The following PDGFD variants were observed in gnomAD, a reference collection of about 807,000 sequenced individuals.
PDGFD encodes the protein platelet derived growth factor D, also known as platelet-derived growth factor D.
PDGFD carries 30 observed loss-of-function variants against 44.7 expected under a neutral mutation model. The ratio of observed to expected loss-of-function variants is 0.67; its 90% confidence interval spans 0.50 to 0.91. PDGFD has a LOEUF of 0.91. Among genes scored for constraint, PDGFD ranks in the 40% least tolerant of loss-of-function variants. PDGFD has a pLI of 0.00. For synonymous variants in PDGFD, 173 were observed against 168.4 expected (o/e 1.03, Z -0.21); for missense variants, 445 against 457.8 (o/e 0.97, Z 0.25).
intron 1 of PDGFD, among the ~76,000 whole-genome samples, chr11:104,088,795 T>C (rs935136456): frequency 2.0e-5 from 3 of 152,274 alleles, no homozygotes; most frequent in Non-Finnish European, 4.4e-5. Flanking sequence ...AGCCAGATTA[T>C]GTTCTCAGCT....
At chr11:104,034,184 G>A (rs1376643860) in intron 1 of PDGFD, among the ~76,000 whole-genome samples, 3 of 152,012 alleles carry the variant, frequency 2.0e-5, no homozygotes, top group African/African-American at 4.8e-5. Flanking sequence ...AATTTCTCCT[G>A]AATACCACTA....
intron 3 of PDGFD, among the ~76,000 whole-genome samples, chr11:103,970,398 A>T (rs182879341): frequency 6.6e-6 from 1 of 152,220 alleles, no homozygotes. Context: ...AAATATAGCA[A>T]GTGATAAAAA....
At chr11:104,045,902 G>T (rs1459971488) in intron 1 of PDGFD, among the ~76,000 whole-genome samples, 1 of 146,792 alleles carries the variant, frequency 6.8e-6, no homozygotes, top group Non-Finnish European at 1.5e-5. Context: ...TTTGCTGAGT[G>T]ACTGGTTGAG....
chr11:103,929,733 T>C (rs778505296), intron 5 of PDGFD, among the ~76,000 whole-genome samples: 1 of 152,184 alleles, frequency 6.6e-6, no homozygotes, highest in Non-Finnish European at 1.5e-5. Flanking sequence ...TGGATGCAAA[T>C]AACTTCAAAG....
intron 1 of PDGFD, among the ~76,000 whole-genome samples, chr11:104,148,249 T>C (rs1378971209): frequency 6.6e-6 from 1 of 152,172 alleles, no homozygotes; most frequent in Non-Finnish European, 1.5e-5. Flanking sequence ...CCTTAAAAAG[T>C]GACTCAGTCG....
chr11:103,992,692 T>C (rs1330914979), intron 3 of PDGFD, among the ~76,000 whole-genome samples: 1 of 152,206 alleles, frequency 6.6e-6, no homozygotes, highest in Non-Finnish European at 1.5e-5. Flanking sequence ...AAAACTGTGA[T>C]ATAAGCATCA....
chr11:103,935,072 T>C (rs997553320), intron 5 of PDGFD, among the ~76,000 whole-genome samples: 2 of 152,186 alleles, frequency 1.3e-5, no homozygotes, highest in African/African-American at 2.4e-5. Context: ...ACAAGAGTAA[T>C]TGCAGTGGAA....
At chr11:103,950,107 T>C (rs1406736966) in intron 3 of PDGFD, among the ~76,000 whole-genome samples, 1 of 152,088 alleles carries the variant, frequency 6.6e-6, no homozygotes, top group Non-Finnish European at 1.5e-5. Context: ...CCTTGAGATA[T>C]AGATTTGGGA....
chr11:104,085,329 T>C (rs1861115231), intron 1 of PDGFD, among the ~76,000 whole-genome samples: 1 of 152,206 alleles, frequency 6.6e-6, no homozygotes, highest in African/African-American at 2.4e-5. Flanking sequence ...ATAAGTAGGC[T>C]GCTTTTTATC....
At chr11:103,925,790 G>A (rs978939306) in intron 6 of PDGFD, among the ~76,000 whole-genome samples, 5 of 149,028 alleles carry the variant, frequency 3.4e-5, no homozygotes, top group Non-Finnish European at 5.9e-5. Context: ...GTGCAATGGC[G>A]CGATCTCAGC....
Position 103,979,308 on chromosome 11 carries a change from G to C in PDGFD, c.510+16757C>G, listed in dbSNP as rs1859230324. Among the ~76,000 whole-genome samples the C allele has an allele frequency of 2.6e-5, 4 of 152,092 alleles. No individual in the cohort carries two copies. In the South Asian group the frequency reaches 8.3e-4, roughly 32 times the overall value. ...TAACTCACTTTGTTCCCTCTACTTA[G>C]ATTAATGATTCCCCACTCCTTCCTT... On this transcript the variant is annotated intron_variant, in intron 3 of 6. Coordinates refer to ENST00000393158, the MANE Select transcript of PDGFD (RefSeq NM_025208.5).
intron 4 of PDGFD, 98 bp downstream of exon 4, chr11:103,947,564 C>A (rs1591089109): frequency 1.2e-6 from 1 of 868,386 alleles, no homozygotes; most frequent in Non-Finnish European, 2.0e-6. Flanking sequence ...AGCTTTTGAT[C>A]AAGCCACAGG....
chr11:104,125,773 TCCTATAATTTTATTA>T (rs1472668803), intron 1 of PDGFD, among the ~76,000 whole-genome samples: 1 of 152,096 alleles, frequency 6.6e-6, no homozygotes, highest in Non-Finnish European at 1.5e-5. Context: ...ATATCAAACT[TCCTATAATTTTATTA>T]GCAAATGCAC....
At position 103,916,260 on chromosome 11, in the gene PDGFD, G is replaced by A. The variant is rs535965044; in HGVS notation, c.988-6441C>T. 1.6e-4 allele frequency among the ~76,000 whole-genome samples: 24 copies of A among 151,624 alleles called. No homozygotes were observed. In the South Asian group the frequency reaches 2.9e-3, roughly 18 times the overall value. ...AAATTTACAAGAAAAAAACAACCCCGTCAAAATATGGGCAAAGGATATGAG... is the reference window on the plus strand; with the variant it reads ...AAATTTACAAGAAAAAAACAACCCCATCAAAATATGGGCAAAGGATATGAG... On this transcript the variant is annotated intron_variant, in intron 6 of 6. Transcript: ENST00000393158.
In PDGFD at chr11:104,133,830, T is replaced by C. The variant is rs562395396; in HGVS notation, c.124+29974A>G. 4.6e-5 allele frequency among the ~76,000 whole-genome samples: 7 copies of C among 152,258 alleles called. No homozygotes were observed. The East Asian group carries it at 7.7e-4, about 17-fold the overall frequency. On this transcript the variant is annotated intron_variant, in intron 1 of 6. Transcript: ENST00000393158. The stretch of plus-strand genomic sequence containing the variant: ...CTCGAAGAGGCTCTGTAACGTGCTA[T>C]TATGTGGCAGAGCCCTGAGTCCTGG...
intron 1 of PDGFD, among the ~76,000 whole-genome samples, chr11:104,043,265 C>G (rs2134400714): frequency 6.6e-6 from 1 of 152,224 alleles, no homozygotes; most frequent in South Asian, 2.1e-4. Context: ...ATGTCAGGAC[C>G]ATTTTAGGTG....
intron 3 of PDGFD, among the ~76,000 whole-genome samples, chr11:103,952,715 G>C (rs10791656): frequency 0.57 from 86,263 of 151,924 alleles, 26,803 homozygotes; most frequent in African/African-American, 0.84. Flanking sequence ...ATATATCATT[G>C]TATAATTATA....
chr11:104,155,648 A>C (rs1862296951), intron 1 of PDGFD, among the ~76,000 whole-genome samples: 1 of 152,200 alleles, frequency 6.6e-6, no homozygotes, highest in Admixed American at 6.5e-5. Context: ...TACGATCCTT[A>C]TGAACTCATT....
At chr11:104,042,286 A>G (rs1264428488) in intron 1 of PDGFD, among the ~76,000 whole-genome samples, 3 of 152,224 alleles carry the variant, frequency 2.0e-5, no homozygotes, top group Non-Finnish European at 4.4e-5. Flanking sequence ...TAAAGCCACA[A>G]TTAAACTTGC....
Sources: gnomAD v4.1 joint callset for allele counts (sites outside exome capture counted in the v4.1 genomes callset) on GRCh38, gnomAD v4.1.1 for gene constraint, MANE v1.5 for transcripts, NCBI Gene and HGNC (gene_info 2026-07-23, HGNC 2026-07-21) for gene names.